The following NCOA2 variants were observed in gnomAD, a reference collection of about 807,000 sequenced individuals.
NCOA2 encodes class E basic helix-loop-helix protein 75.
In NCOA2, 21 loss-of-function variants were observed where a neutral mutation model predicts 145.1. That is an observed-to-expected ratio of 0.14 (90% confidence interval 0.10 to 0.21). The LOEUF (loss-of-function observed/expected upper bound fraction) is 0.21. Among genes scored for constraint, NCOA2 ranks in the 10% least tolerant of loss-of-function variants. The pLI, the probability that NCOA2 is intolerant of heterozygous loss-of-function variation, is 1.00. For missense variants in NCOA2, 1,472 were observed against 1,837.6 expected (o/e 0.80, Z 3.64); for synonymous variants, 619 against 637.5 (o/e 0.97, Z 0.44).
chr8:70,351,674 C>T (rs1809241932), intron 1 of NCOA2, among the ~76,000 whole-genome samples: 1 of 149,438 alleles, frequency 6.7e-6, no homozygotes, highest in South Asian at 2.1e-4. Context: ...CAAGCTCAAA[C>T]TCCTAGGCTC....
At chr8:70,170,840 T>A (rs1585940913) in intron 5 of NCOA2, among the ~76,000 whole-genome samples, 1 of 152,178 alleles carries the variant, frequency 6.6e-6, no homozygotes, top group African/African-American at 2.4e-5. Flanking sequence ...TAAGGATAAT[T>A]ACCAGGAAAA....
intron 1 of NCOA2, among the ~76,000 whole-genome samples, chr8:70,302,864 TATATC>T (rs1331650488): frequency 6.6e-6 from 1 of 151,954 alleles, no homozygotes; most frequent in African/African-American, 2.4e-5. Flanking sequence ...ATAGAAAAAA[TATATC>T]AGTTTAAAAA....
chr8:70,159,242 A>ATTTTTTTT lies in NCOA2; in HGVS notation c.1124+255_1124+262dup, dbSNP rs763150293. 8.2e-4 allele frequency among the ~76,000 whole-genome samples: 50 copies of ATTTTTTTT among 61,078 alleles called. 1 individual carries two copies. Among genetic ancestry groups the ATTTTTTTT allele is most frequent in the African/African-American group, 2.4e-3 (44 of 18,498 alleles). 40.1% of individuals were successfully genotyped at this position (61,078 alleles called of 152,430 possible). Reference sequence around the variant, plus strand: ...TAACATTATATATATATATATATATATTTTTTTTTTTTTCCCCCAAATATT... The same window carrying ATTTTTTTT: ...TAACATTATATATATATATATATATATTTTTTTTTTTTTTTTTTTTTCCCCCAAATATT... On this transcript the variant is annotated intron_variant, in intron 10 of 22. Transcript: ENST00000452400.
Position 70,148,255 on chromosome 8 carries a change from GC to G in NCOA2, c.2605+17del, listed in dbSNP as rs1811328282. 6.2e-7 allele frequency: 1 copy of G among 1,609,316 alleles called. No homozygotes were observed. Among genetic ancestry groups the G allele is most frequent in the East Asian group, 2.2e-5 (1 of 44,870 alleles). ...ATATGGAAATTTCTTGGCATAACCAGCCATTTCTCATACTCACTGCTCTGTG... is the reference window on the plus strand; with the variant it reads ...ATATGGAAATTTCTTGGCATAACCAGCATTTCTCATACTCACTGCTCTGTG... On this transcript the variant is annotated intron_variant, in intron 12 of 22. Coordinates refer to ENST00000452400, the MANE Select transcript of NCOA2 (RefSeq NM_006540.4).
At chr8:70,347,484 TA>T (rs1029525985) in intron 1 of NCOA2, among the ~76,000 whole-genome samples, 46 of 137,208 alleles carry the variant, frequency 3.4e-4, no homozygotes, top group Admixed American at 3.0e-4. Context: ...GACTCCATCT[TA>T]AAAAAAAAAA....
chr8:70,361,603 G>A (rs1404332684), intron 1 of NCOA2, among the ~76,000 whole-genome samples: 1 of 152,112 alleles, frequency 6.6e-6, no homozygotes, highest in Non-Finnish European at 1.5e-5. Context: ...AGGACATTTT[G>A]ACATATATTA....
chr8:70,385,348 T>C (rs915798547), intron 1 of NCOA2, among the ~76,000 whole-genome samples: 6 of 152,170 alleles, frequency 3.9e-5, no homozygotes, highest in Non-Finnish European at 8.8e-5. Context: ...AGTGATGGAG[T>C]TGGATGGCAA....
Position 70,138,243 on chromosome 8 carries a change from T to A in NCOA2, c.3118A>T (p.Ile1040Phe), listed in dbSNP as rs774720184. The A allele has an allele frequency of 6.2e-7, 1 of 1,613,840 alleles. No individual in the cohort carries two copies. The highest frequency in any genetic ancestry group is 1.3e-5 in the African/African-American group (1 of 75,056). ...AAAGACGCCTGGTCTATAGGCAGGATGCTTTCAGGCCATGGGGCAGTCTGA... is the reference window on the plus strand; with the variant it reads ...AAAGACGCCTGGTCTATAGGCAGGAAGCTTTCAGGCCATGGGGCAGTCTGA... ...PNQTAPWPES[I>F]LPIDQASFAS... is the part of the protein sequence containing the mutation. The change falls in exon 15 of 23, where the codon ATC (isoleucine) becomes TTC (phenylalanine). Residue 1040 changes from isoleucine (I) to phenylalanine (F), a missense_variant. Physicochemically the swap from Ile to Phe is conservative, Grantham distance 21. This residue lies in a region of NCOA2 where 953 missense variants were observed against 1,062.1 expected (regional missense o/e 0.90). Transcript: ENST00000452400.
intron 1 of NCOA2, among the ~76,000 whole-genome samples, chr8:70,400,244 C>A (rs190160834): frequency 9.8e-5 from 15 of 152,310 alleles, no homozygotes; most frequent in East Asian, 9.6e-4. Flanking sequence ...CTTCAGTATA[C>A]TGACATCTAA....
chr8:70,181,731 C>T (rs777292287), intron 4 of NCOA2, among the ~76,000 whole-genome samples: 6 of 152,180 alleles, frequency 3.9e-5, no homozygotes, highest in Non-Finnish European at 8.8e-5. Context: ...AGTAGACTGA[C>T]GTCAAACACA....
intron 2 of NCOA2, among the ~76,000 whole-genome samples, chr8:70,236,831 T>C (rs1821654874): frequency 6.6e-6 from 1 of 152,212 alleles, no homozygotes; most frequent in Non-Finnish European, 1.5e-5. Context: ...TGCCATTTCA[T>C]ATAAGGGACT....
chr8:70,251,878 G>C (rs1002822286), intron 2 of NCOA2, among the ~76,000 whole-genome samples: 13 of 152,216 alleles, frequency 8.5e-5, no homozygotes, highest in African/African-American at 3.1e-4. Flanking sequence ...TCTCTGGTTA[G>C]ACTTTTCCAG....
intron 4 of NCOA2, among the ~76,000 whole-genome samples, chr8:70,213,339 G>GA (rs1819250626): frequency 6.6e-6 from 1 of 151,982 alleles, no homozygotes. Context: ...AATTATCTCA[G>GA]AAAAAAAGAA....
intron 13 of NCOA2, among the ~76,000 whole-genome samples, chr8:70,141,871 G>T (rs1810475795): frequency 6.6e-6 from 1 of 151,994 alleles, no homozygotes; most frequent in Admixed American, 6.6e-5. Context: ...TCTCCTTCAG[G>T]GTATACTTCA....
chr8:70,338,232 A>G (rs1052680665), intron 1 of NCOA2, among the ~76,000 whole-genome samples: 1 of 152,166 alleles, frequency 6.6e-6, no homozygotes, highest in Non-Finnish European at 1.5e-5. Flanking sequence ...GAAGAATCAA[A>G]TAAGCACAAT....
chr8:70,191,105 T>A (rs1266620250), intron 4 of NCOA2, among the ~76,000 whole-genome samples: 1 of 152,140 alleles, frequency 6.6e-6, no homozygotes, highest in Non-Finnish European at 1.5e-5. Context: ...AGCTTCATCA[T>A]GAATGACTTC....
the NCOA2 span, among the ~76,000 whole-genome samples, chr8:70,415,626 A>G: frequency 5.9e-5 from 9 of 152,290 alleles, no homozygotes; most frequent in African/African-American, 2.2e-4. Context: ...GGTGACTGTG[A>G]CCAGAAAGGC....
intron 14 of NCOA2, among the ~76,000 whole-genome samples, chr8:70,140,399 G>A (rs185572206): frequency 1.5e-4 from 23 of 152,092 alleles, no homozygotes; most frequent in African/African-American, 5.3e-4. Context: ...TTAATAATAT[G>A]TGAACTGTCT....
At chr8:70,385,633 G>A (rs1377311344) in intron 1 of NCOA2, among the ~76,000 whole-genome samples, 1 of 152,054 alleles carries the variant, frequency 6.6e-6, no homozygotes. Flanking sequence ...TCACTATGTT[G>A]GGCAGGCTGG....
Sources: gnomAD v4.1 joint callset for allele counts (sites outside exome capture counted in the v4.1 genomes callset) on GRCh38, gnomAD v4.1.1 for gene constraint, gnomAD v4.1.1 regional missense constraint, MANE v1.5 for transcripts, NCBI Gene and HGNC (gene_info 2026-07-23, HGNC 2026-07-21) for gene names.